The following FAM107B variants were observed in gnomAD, a reference collection of about 807,000 sequenced individuals.
FAM107B encodes protein FAM107B.
FAM107B carries 21 observed loss-of-function variants against 31.5 expected under a neutral mutation model. The observed-to-expected ratio is 0.67, with a 90% confidence interval of 0.47 to 0.96. The LOEUF (loss-of-function observed/expected upper bound fraction) is 0.96. Ranked by LOEUF, FAM107B falls within the 40% of genes least tolerant of loss-of-function variation. The pLI is 0.00. For synonymous variants in FAM107B, 157 were observed against 141.5 expected (o/e 1.11, Z -0.78); for missense variants, 452 against 377.1 (o/e 1.20, Z -1.64).
intron 2 of FAM107B, among the ~76,000 whole-genome samples, chr10:14,658,087 C>T (rs1854117012): frequency 6.6e-6 from 1 of 152,194 alleles, no homozygotes; most frequent in Non-Finnish European, 1.5e-5. Flanking sequence ...GCTGGGATTA[C>T]AGGCGTAATT....
chr10:14,583,846 G>C (rs1851737146), intron 2 of FAM107B, among the ~76,000 whole-genome samples: 1 of 152,088 alleles, frequency 6.6e-6, no homozygotes, highest in Admixed American at 6.5e-5. Flanking sequence ...TAGACCCAAG[G>C]CCACCCCTCA....
intron 2 of FAM107B, among the ~76,000 whole-genome samples, chr10:14,605,978 C>T (rs1852578997): frequency 6.6e-6 from 1 of 152,188 alleles, no homozygotes; most frequent in South Asian, 2.1e-4. Flanking sequence ...TGGCCCCAGC[C>T]TCTGGTCTAA....
At chr10:14,628,124 T>TTTTTTTGTTTTTTTTG in intron 2 of FAM107B, among the ~76,000 whole-genome samples, 1 of 138,452 alleles carries the variant, frequency 7.2e-6, no homozygotes, top group South Asian at 2.5e-4. Context: ...TTTTTTTTTT[T>TTTTTTTGTTTTTTTTG]TTTTTTTTTG....
At chr10:14,541,174 T>A (rs1212480612) in intron 2 of FAM107B, among the ~76,000 whole-genome samples, 1 of 152,188 alleles carries the variant, frequency 6.6e-6, no homozygotes, top group African/African-American at 2.4e-5. Flanking sequence ...AATTGTGCAC[T>A]TGGCTTCTCC....
At chr10:14,618,068 C>T (rs1390302240) in intron 2 of FAM107B, among the ~76,000 whole-genome samples, 1 of 152,170 alleles carries the variant, frequency 6.6e-6, no homozygotes, top group African/African-American at 2.4e-5. Context: ...CTCATGTCCC[C>T]TTGTGGTGAG....
chr10:14,578,503 GAAAA>G (rs780331570), intron 2 of FAM107B, among the ~76,000 whole-genome samples: 1 of 151,830 alleles, frequency 6.6e-6, no homozygotes, highest in Admixed American at 6.6e-5. Flanking sequence ...CTTCACTGGG[GAAAA>G]AAAAGAGATC....
chr10:14,695,816 T>A (rs1476074626), intron 1 of FAM107B, among the ~76,000 whole-genome samples: 1 of 152,254 alleles, frequency 6.6e-6, no homozygotes, highest in Non-Finnish European at 1.5e-5. Flanking sequence ...GGTTTTTGTG[T>A]GTTGATTTTG....
At chr10:14,732,374 T>C (rs1856194392) in intron 1 of FAM107B, among the ~76,000 whole-genome samples, 1 of 152,200 alleles carries the variant, frequency 6.6e-6, no homozygotes, top group Admixed American at 6.5e-5. Context: ...TGGGAAAATA[T>C]TGATTGGCCC....
intron 1 of FAM107B, among the ~76,000 whole-genome samples, chr10:14,709,624 TG>T (rs751761450): frequency 7.0e-4 from 106 of 152,120 alleles, no homozygotes; most frequent in Non-Finnish European, 1.4e-3. Flanking sequence ...GAGATTTGGG[TG>T]GGGACACAGC....
intron 1 of FAM107B, among the ~76,000 whole-genome samples, chr10:14,685,287 T>C (rs1358914680): frequency 1.3e-5 from 2 of 151,806 alleles, no homozygotes; most frequent in Non-Finnish European, 2.9e-5. Flanking sequence ...TAGCTAGGAC[T>C]ACAGGTATGT....
At chr10:14,579,308 T>C (rs957567253) in intron 2 of FAM107B, among the ~76,000 whole-genome samples, 2 of 152,318 alleles carry the variant, frequency 1.3e-5, no homozygotes, top group African/African-American at 2.4e-5. Flanking sequence ...ACTAAGTCAA[T>C]GAATGAAAAC....
intron 2 of FAM107B, among the ~76,000 whole-genome samples, chr10:14,597,177 T>C (rs1458485700): frequency 6.6e-6 from 1 of 152,224 alleles, no homozygotes; most frequent in African/African-American, 2.4e-5. Flanking sequence ...TACATACGCA[T>C]ATGCACAAAT....
At chr10:14,613,967 C>A (rs191106342) in intron 2 of FAM107B, among the ~76,000 whole-genome samples, 30 of 152,134 alleles carry the variant, frequency 2.0e-4, no homozygotes, top group African/African-American at 7.0e-4. Context: ...CCTATCTCTA[C>A]TAAAAATACA....
intron 2 of FAM107B, among the ~76,000 whole-genome samples, chr10:14,622,903 C>T: frequency 6.6e-6 from 1 of 152,148 alleles, no homozygotes; most frequent in East Asian, 1.9e-4. Context: ...GTAGAAATCA[C>T]CACACTCCTA....
At chr10:14,751,741 CTG>C (rs1832831368) in intron 1 of FAM107B, among the ~76,000 whole-genome samples, 1 of 152,108 alleles carries the variant, frequency 6.6e-6, no homozygotes, top group Non-Finnish European at 1.5e-5. Flanking sequence ...CCCTACACAG[CTG>C]CTTCTAGAGT....
chr10:14,653,479 G>A (rs1355482201), intron 2 of FAM107B, among the ~76,000 whole-genome samples: 1 of 152,182 alleles, frequency 6.6e-6, no homozygotes, highest in Non-Finnish European at 1.5e-5. Flanking sequence ...GGAGCACACA[G>A]TGGCCTCTCA....
At chr10:14,578,430 C>T (rs1487945248) in intron 2 of FAM107B, among the ~76,000 whole-genome samples, 1 of 152,194 alleles carries the variant, frequency 6.6e-6, no homozygotes, top group African/African-American at 2.4e-5. Flanking sequence ...GCTTCCCTAT[C>T]ACGGAGGCAC....
chr10:14,718,985 T>C (rs907314012), intron 1 of FAM107B, among the ~76,000 whole-genome samples: 5 of 152,206 alleles, frequency 3.3e-5, no homozygotes, highest in Admixed American at 6.5e-5. Flanking sequence ...AAAGAGATGA[T>C]AGGACAGTCC....
chr10:14,688,335 T>C (rs1200101819), intron 1 of FAM107B, among the ~76,000 whole-genome samples: 1 of 152,184 alleles, frequency 6.6e-6, no homozygotes, highest in Admixed American at 6.5e-5. Context: ...GAAGGCCTAT[T>C]GTGGGACTTC....
Sources: allele counts gnomAD v4.1 joint callset (sites outside exome capture counted in the v4.1 genomes callset), GRCh38; gene constraint gnomAD v4.1.1; transcripts MANE v1.5; gene names NCBI Gene and HGNC (gene_info 2026-07-23, HGNC 2026-07-21).